LRIF1: variants seen among roughly 807,000 people sequenced by gnomAD.
LRIF1 encodes ligand-dependent nuclear receptor-interacting factor 1.
A neutral mutation model predicts 52.7 loss-of-function variants in LRIF1; 32 were observed. The ratio of observed to expected loss-of-function variants is 0.61; its 90% CI spans 0.46 to 0.82. The LOEUF (loss-of-function observed/expected upper bound fraction) is 0.82, where lower values mean the gene tolerates loss of function less well. Among genes scored for constraint, LRIF1 ranks in the 40% least tolerant of loss-of-function variants. LRIF1 has a pLI of 0.00. For synonymous variants in LRIF1, 323 were observed against 317.4 expected (o/e 1.02, Z -0.19); for missense variants, 887 against 892.0 (o/e 0.99, Z 0.07).
chr1:110,902,865 A>T, the LRIF1 span, among the ~76,000 whole-genome samples: 2 of 152,240 alleles, frequency 1.3e-5, no homozygotes, highest in Non-Finnish European at 2.9e-5. Flanking sequence ...AGTTGGTATC[A>T]CTGAAAGTCA....
the LRIF1 span, among the ~76,000 whole-genome samples, chr1:110,886,626 G>C: frequency 6.6e-6 from 1 of 151,704 alleles, no homozygotes; most frequent in Non-Finnish European, 1.5e-5. Context: ...AGGTGGGTGG[G>C]TCACTTGAGG....
intron 1 of LRIF1, among the ~76,000 whole-genome samples, chr1:110,956,064 T>A (rs1440369173): frequency 6.6e-6 from 1 of 152,198 alleles, no homozygotes. Flanking sequence ...TCTCATTTAA[T>A]GGGTTTTATT....
chr1:110,877,494 C>T, the LRIF1 span, among the ~76,000 whole-genome samples: 47 of 152,268 alleles, frequency 3.1e-4, no homozygotes, highest in South Asian at 4.6e-3. Flanking sequence ...TCCTGATTTA[C>T]GAAGTAAGCT....
the LRIF1 span, chr1:110,892,212 A>C: frequency 4.1e-6 from 3 of 740,462 alleles, no homozygotes; most frequent in African/African-American, 5.2e-5. Flanking sequence ...AAGTTTGGTA[A>C]AGAAATTGTT....
At chr1:110,958,009 G>GT (rs1658777303) in intron 1 of LRIF1, among the ~76,000 whole-genome samples, 1 of 152,090 alleles carries the variant, frequency 6.6e-6, no homozygotes, top group African/African-American at 2.4e-5. Flanking sequence ...TGCTGATGTT[G>GT]TTTTTCTGAT....
chr1:110,888,964 G>A, the LRIF1 span, among the ~76,000 whole-genome samples: 1 of 152,090 alleles, frequency 6.6e-6, no homozygotes, highest in Non-Finnish European at 1.5e-5. Flanking sequence ...GCAAATCTTT[G>A]CATCTTCATG....
chr1:110,946,268 A>G (rs552749973), downstream of LRIF1, among the ~76,000 whole-genome samples: 17 of 152,356 alleles, frequency 1.1e-4, no homozygotes, highest in Non-Finnish European at 2.1e-4. Flanking sequence ...CATATATATG[A>G]AATGTTCACA....
At chr1:110,919,718 T>C in the LRIF1 span, among the ~76,000 whole-genome samples, 70 of 152,230 alleles carry the variant, frequency 4.6e-4, no homozygotes, top group Middle Eastern at 3.4e-3. Flanking sequence ...CTATGCTCAA[T>C]GAAAATGTCT....
the LRIF1 span, among the ~76,000 whole-genome samples, chr1:110,926,659 G>A: frequency 6.6e-6 from 1 of 152,062 alleles, no homozygotes; most frequent in Non-Finnish European, 1.5e-5. Context: ...ACCATGCTTA[G>A]AGATTGCATC....
At chr1:110,961,372 T>C (rs934752795) in intron 1 of LRIF1, among the ~76,000 whole-genome samples, 1 of 152,228 alleles carries the variant, frequency 6.6e-6, no homozygotes, top group Non-Finnish European at 1.5e-5. Context: ...AGTGGTAAGC[T>C]AGGATATGAA....
intron 1 of LRIF1, among the ~76,000 whole-genome samples, chr1:110,955,383 T>C (rs1019660720): frequency 6.6e-5 from 10 of 152,182 alleles, no homozygotes; most frequent in Admixed American, 5.9e-4. Flanking sequence ...TCATGACTGA[T>C]TTTTTTCTCC....
chr1:110,956,837 TG>T (rs1375565063), intron 1 of LRIF1, among the ~76,000 whole-genome samples: 1 of 152,206 alleles, frequency 6.6e-6, no homozygotes, highest in Non-Finnish European at 1.5e-5. Context: ...TTAAGTGATA[TG>T]CCAGAAAGTT....
intron 1 of LRIF1, among the ~76,000 whole-genome samples, chr1:110,960,421 G>A (rs918758977): frequency 6.6e-6 from 1 of 152,088 alleles, no homozygotes. Context: ...CATCATTCCA[G>A]TCAAACCAAA....
intron 1 of LRIF1, among the ~76,000 whole-genome samples, chr1:110,959,917 C>T (rs991764849): frequency 6.6e-6 from 1 of 151,658 alleles, no homozygotes; most frequent in Non-Finnish European, 1.5e-5. Context: ...GATATTTTTG[C>T]AAAATATATT....
chr1:110,901,159 TG>T, the LRIF1 span, among the ~76,000 whole-genome samples: 2 of 134,356 alleles, frequency 1.5e-5, no homozygotes, highest in Non-Finnish European at 1.7e-5. Flanking sequence ...TGTTTTTTTT[TG>T]TTTGTTTTTT....
At chr1:110,958,420 GCTTT>G (rs1270030668) in intron 1 of LRIF1, among the ~76,000 whole-genome samples, 4 of 151,188 alleles carry the variant, frequency 2.6e-5, no homozygotes, top group Middle Eastern at 3.4e-3. Context: ...ATTATATAAT[GCTTT>G]CTTTATTGAC....
downstream of LRIF1, among the ~76,000 whole-genome samples, chr1:110,942,715 G>C (rs190207721): frequency 6.6e-6 from 1 of 152,110 alleles, no homozygotes; most frequent in African/African-American, 2.4e-5. Flanking sequence ...ACCTGATCAA[G>C]TGGAAGCCTG....
chr1:110,949,255 A>G (rs1333415405), intron 3 of LRIF1, among the ~76,000 whole-genome samples: 1 of 150,692 alleles, frequency 6.6e-6, no homozygotes, highest in Non-Finnish European at 1.5e-5. Context: ...AGTAGTTGGG[A>G]CTACAGGTGC....
the LRIF1 span, chr1:110,942,132 G>A: frequency 6.6e-6 from 1 of 151,970 alleles, no homozygotes; most frequent in African/African-American, 2.4e-5. Flanking sequence ...CCTGTGGATG[G>A]GAATTTAGGT....
Sources: gnomAD v4.1 joint callset for allele counts (sites outside exome capture counted in the v4.1 genomes callset) on GRCh38, gnomAD v4.1.1 for gene constraint, MANE v1.5 for transcripts, NCBI Gene and HGNC (gene_info 2026-07-23, HGNC 2026-07-21) for gene names.